The following ASIC2 variants were observed in gnomAD, a reference collection of about 807,000 sequenced individuals.
ASIC2 encodes acid-sensing ion channel 2.
A neutral mutation model predicts 57.3 loss-of-function variants in ASIC2; 25 were observed. The ratio of observed to expected loss-of-function variants is 0.44; its 90% CI spans 0.32 to 0.61. The LOEUF (loss-of-function observed/expected upper bound fraction) is 0.61, where lower values mean the gene tolerates loss of function less well. ASIC2 is among the 20% of genes least tolerant of loss of function. The pLI, the probability that ASIC2 is intolerant of heterozygous loss-of-function variation, is 0.06. For synonymous variants in ASIC2, 319 were observed against 307.5 expected (o/e 1.04, Z -0.39); for missense variants, 641 against 738.1 (o/e 0.87, Z 1.52).
At chr17:33,245,046 C>T (rs539844900) in intron 1 of ASIC2, among the ~76,000 whole-genome samples, 4 of 152,248 alleles carry the variant, frequency 2.6e-5, no homozygotes, top group African/African-American at 9.6e-5. Flanking sequence ...TCTGTAATAA[C>T]GATCACATAA....
chr17:33,814,017 G>T (rs1912505668), intron 1 of ASIC2, among the ~76,000 whole-genome samples: 1 of 152,084 alleles, frequency 6.6e-6, no homozygotes, highest in African/African-American at 2.4e-5. Context: ...TGATTCAGGT[G>T]GGTAGGTTCA....
chr17:33,579,485 A>G (rs1248609411), intron 1 of ASIC2, among the ~76,000 whole-genome samples: 1 of 152,070 alleles, frequency 6.6e-6, no homozygotes, highest in African/African-American at 2.4e-5. Context: ...ATTGAGAATC[A>G]CGTGCCTTAC....
intron 1 of ASIC2, among the ~76,000 whole-genome samples, chr17:33,818,703 A>G (rs561436850): frequency 6.6e-6 from 1 of 152,348 alleles, no homozygotes; most frequent in African/African-American, 2.4e-5. Flanking sequence ...CTAAAATGTC[A>G]ATAGTGCTGA....
chr17:33,252,117 C>T (rs988770274), intron 1 of ASIC2, among the ~76,000 whole-genome samples: 4 of 152,086 alleles, frequency 2.6e-5, no homozygotes, highest in African/African-American at 9.7e-5. Flanking sequence ...GAATCTTCTC[C>T]CAATCAAGAG....
chr17:33,217,335 C>A (rs182210022), intron 1 of ASIC2, among the ~76,000 whole-genome samples: 142 of 152,280 alleles, frequency 9.3e-4, no homozygotes, highest in African/African-American at 3.0e-3. Context: ...GGAGACCTTC[C>A]CTCAAAAGGC....
At chr17:33,633,194 A>AC (rs1906229912) in intron 1 of ASIC2, among the ~76,000 whole-genome samples, 1 of 152,104 alleles carries the variant, frequency 6.6e-6, no homozygotes, top group African/African-American at 2.4e-5. Flanking sequence ...GAGTGCATCA[A>AC]CCCAATGCCC....
At chr17:33,246,345 T>G (rs1908688801) in intron 1 of ASIC2, among the ~76,000 whole-genome samples, 1 of 152,108 alleles carries the variant, frequency 6.6e-6, no homozygotes, top group African/African-American at 2.4e-5. Flanking sequence ...ACAGAACACT[T>G]CTGGGATGAC....
At chr17:33,768,146 C>A (rs1355569982) in intron 1 of ASIC2, among the ~76,000 whole-genome samples, 1 of 152,006 alleles carries the variant, frequency 6.6e-6, no homozygotes, top group Non-Finnish European at 1.5e-5. Flanking sequence ...GCAGCTGGGA[C>A]TACGGGCGCC....
intron 1 of ASIC2, among the ~76,000 whole-genome samples, chr17:33,206,322 C>T (rs1907060817): frequency 6.6e-6 from 1 of 152,088 alleles, no homozygotes; most frequent in African/African-American, 2.4e-5. Context: ...GAGGGAAGGC[C>T]ACCACTTGTT....
intron 1 of ASIC2, among the ~76,000 whole-genome samples, chr17:33,627,517 GAA>G (rs1401976442): frequency 6.6e-6 from 1 of 152,214 alleles, no homozygotes; most frequent in Non-Finnish European, 1.5e-5. Context: ...TGCCACTGAT[GAA>G]AAGTGTCTTC....
At position 33,902,781 on chromosome 17, in the gene ASIC2, A is replaced by C. The variant is rs80195306; in HGVS notation, c.555+253197T>G. ...TTAGGGTGGAACCCCTAATTCTCGAAGACCCAATTCTTCAAGAAGAGTAAG... is the reference window on the plus strand; with the variant it reads ...TTAGGGTGGAACCCCTAATTCTCGACGACCCAATTCTTCAAGAAGAGTAAG... On this transcript the variant is annotated intron_variant, in intron 1 of 9. Transcript: ENST00000359872. Among the ~76,000 whole-genome samples, 4 of 152,336 alleles carry C rather than the reference A, an allele frequency of 2.6e-5. No individual in the cohort carries two copies. In the East Asian group the frequency reaches 7.7e-4, roughly 29 times the overall value.
At chr17:33,768,734 T>C (rs934232076) in intron 1 of ASIC2, among the ~76,000 whole-genome samples, 3 of 152,074 alleles carry the variant, frequency 2.0e-5, no homozygotes, top group African/African-American at 7.2e-5. Context: ...TCGAACCAAT[T>C]GTATGTTGCC....
At position 33,390,757 on chromosome 17, in the gene ASIC2, C is replaced by T. The variant is rs187710216; in HGVS notation, c.556-278690G>A. ...TTTACTCAGAATGCGTCAGAGCGCA[C>T]GGGACATCATGCAAGACGAGAGCCT... is the stretch of plus-strand genomic sequence containing the variant. On this transcript the variant is annotated intron_variant, in intron 1 of 9. Coordinates refer to the ASIC2 transcript ENST00000359872. Among the ~76,000 whole-genome samples, 12 of 152,314 alleles carry T rather than the reference C, an allele frequency of 7.9e-5. No individual in the cohort carries two copies. The East Asian group carries it at 9.6e-4, about 12-fold the overall frequency.
At chr17:33,823,681 T>TACAGACCTGGACC (rs1296412350) in intron 1 of ASIC2, among the ~76,000 whole-genome samples, 2 of 152,222 alleles carry the variant, frequency 1.3e-5, no homozygotes, top group East Asian at 3.8e-4. Context: ...GGCACTGGAC[T>TACAGACCTGGACC]ACAGACCTGG....
chr17:33,658,829 C>T (rs145332375), intron 1 of ASIC2, among the ~76,000 whole-genome samples: 184 of 152,166 alleles, frequency 1.2e-3, no homozygotes, highest in Non-Finnish European at 2.0e-3. Context: ...AAACCCACCT[C>T]TACCAAAAAT....
At chr17:33,890,656 C>T (rs944190374) in intron 1 of ASIC2, among the ~76,000 whole-genome samples, 2 of 152,148 alleles carry the variant, frequency 1.3e-5, no homozygotes, top group Non-Finnish European at 2.9e-5. Flanking sequence ...AGAGTTGGGC[C>T]TAGTCCTGGC....
At chr17:33,535,008 G>T (rs561381195) in intron 1 of ASIC2, among the ~76,000 whole-genome samples, 6 of 152,256 alleles carry the variant, frequency 3.9e-5, no homozygotes, top group Admixed American at 3.9e-4. Flanking sequence ...AATCCTGTGG[G>T]GTAAGTATTA....
At chr17:33,659,191 C>A (rs1197965721) in intron 1 of ASIC2, among the ~76,000 whole-genome samples, 1 of 152,142 alleles carries the variant, frequency 6.6e-6, no homozygotes, top group Non-Finnish European at 1.5e-5. Context: ...ATATTCCTGT[C>A]TTGTCTCTCA....
rs140000008 is a variant in ASIC2, at chr17:34,081,471, C to T, written c.555+74507G>A. On this transcript the variant is annotated intron_variant, in intron 1 of 9. Transcript: ENST00000359872. The stretch of plus-strand genomic sequence containing the variant: ...TCTACACCAGCAATTCAGGTAGATG[C>T]CACCAGATGGTGCTGGAAAGAGCTT... Among the ~76,000 whole-genome samples, 676 of 152,254 alleles carry T rather than the reference C, an allele frequency of 4.4e-3. 4 individuals are homozygous for T. The highest frequency in any genetic ancestry group is 0.015 in the African/African-American group (634 of 41,546).
Sources: gnomAD v4.1 joint callset for allele counts (sites outside exome capture counted in the v4.1 genomes callset) on GRCh38, gnomAD v4.1.1 for gene constraint, MANE v1.5 for transcripts, NCBI Gene and HGNC (gene_info 2026-07-23, HGNC 2026-07-21) for gene names.